The following OCA2 variants were observed in gnomAD, a reference collection of about 807,000 sequenced individuals.
OCA2 encodes the protein OCA2 melanosomal transmembrane protein.
In OCA2, 77 loss-of-function variants were observed where a neutral mutation model predicts 100.2. The ratio of observed to expected loss-of-function variants is 0.77; its 90% CI spans 0.64 to 0.93. The LOEUF is 0.93. Among genes scored for constraint, OCA2 ranks in the 40% least tolerant of loss-of-function variants. The pLI is 0.00. For missense variants in OCA2, 1,062 were observed against 1,089.1 expected (o/e 0.98, Z 0.35); for synonymous variants, 432 against 439.2 (o/e 0.98, Z 0.21).
chr15:27,954,646 C>T (rs547940110), intron 17 of OCA2, among the ~76,000 whole-genome samples: 2 of 152,178 alleles, frequency 1.3e-5, no homozygotes, highest in South Asian at 2.1e-4. Flanking sequence ...GGGAAGGGGT[C>T]CTCTGTGTTC....
At position 27,786,966 on chromosome 15, in the gene OCA2, A is replaced by G. The variant is rs548972415; in HGVS notation, c.2433-31494T>C. Among the ~76,000 whole-genome samples, 17 of 152,060 alleles carry G rather than the reference A, an allele frequency of 1.1e-4. No homozygotes were observed. In the South Asian group the frequency reaches 1.9e-3, roughly 17 times the overall value. On this transcript the variant is annotated intron_variant, in intron 23 of 23. Coordinates refer to ENST00000354638, the MANE Select transcript of OCA2 (RefSeq NM_000275.3). Reference sequence around the variant, plus strand: ...GCTGGGGATGTTCCCTTCTATTTCTACTGTTTCGAGACTTTTAATCATGAA... The same window carrying G: ...GCTGGGGATGTTCCCTTCTATTTCTGCTGTTTCGAGACTTTTAATCATGAA...
At chr15:27,862,839 AT>A (rs1205480943) in intron 21 of OCA2, among the ~76,000 whole-genome samples, 1 of 152,216 alleles carries the variant, frequency 6.6e-6, no homozygotes, top group Admixed American at 6.5e-5. Flanking sequence ...CCCCAAGGAC[AT>A]AGTCTATATC....
At chr15:27,743,633 A>G in the OCA2 span, among the ~76,000 whole-genome samples, 5 of 152,132 alleles carry the variant, frequency 3.3e-5, no homozygotes, top group African/African-American at 9.7e-5. Context: ...GAGGCCATGA[A>G]TTAGTGAATT....
chr15:27,795,818 C>T (rs1000139559), intron 23 of OCA2, among the ~76,000 whole-genome samples: 4 of 152,176 alleles, frequency 2.6e-5, no homozygotes, highest in Admixed American at 2.6e-4. Flanking sequence ...CCACTCTTAG[C>T]GGTATGTCTC....
rs569793254 is a variant in OCA2, at chr15:27,935,660, C to T, written c.1952-9406G>A. Among the ~76,000 whole-genome samples, 6 of 152,276 alleles carry T rather than the reference C, an allele frequency of 3.9e-5. No individual in the cohort carries two copies. In the South Asian group the frequency reaches 1.0e-3, roughly 26 times the overall value. On this transcript the variant is annotated intron_variant, in intron 18 of 23. Coordinates refer to ENST00000354638, the MANE Select transcript of OCA2 (RefSeq NM_000275.3). ...GCAAGAATTTCCTTCCATGCTGCCACGTTATATTCCTCTGATATGCTCAGG... is the reference window on the plus strand; with the variant it reads ...GCAAGAATTTCCTTCCATGCTGCCATGTTATATTCCTCTGATATGCTCAGG...
At chr15:27,729,775 G>A in the OCA2 span, among the ~76,000 whole-genome samples, 7 of 152,212 alleles carry the variant, frequency 4.6e-5, no homozygotes, top group East Asian at 1.9e-4. Context: ...CTACCACCAT[G>A]GACAAATGTA....
intron 23 of OCA2, among the ~76,000 whole-genome samples, chr15:27,843,573 C>A (rs1200599332): frequency 6.6e-6 from 1 of 152,154 alleles, no homozygotes; most frequent in Admixed American, 6.5e-5. Context: ...AAGTTCTGAA[C>A]CCTGTCCCTT....
intron 2 of OCA2, among the ~76,000 whole-genome samples, chr15:28,077,047 CTG>C (rs1382772887): frequency 6.7e-6 from 1 of 150,318 alleles, no homozygotes; most frequent in Non-Finnish European, 1.5e-5. Context: ...GTGTGTCACT[CTG>C]TGCTTAATTT....
chr15:27,764,767 G>T (rs2151005593), intron 23 of OCA2, among the ~76,000 whole-genome samples: 1 of 152,290 alleles, frequency 6.6e-6, no homozygotes, highest in Non-Finnish European at 1.5e-5. Context: ...CAGGAAAGGG[G>T]TCCTGATCCA....
intron 19 of OCA2, among the ~76,000 whole-genome samples, chr15:27,882,055 G>GC (rs1323714922): frequency 5.3e-5 from 8 of 151,704 alleles, no homozygotes; most frequent in African/African-American, 1.7e-4. Context: ...CATCCCAGAG[G>GC]TTTTCTTTGT....
chr15:28,044,304 G>T (rs1450738667), intron 2 of OCA2, among the ~76,000 whole-genome samples: 2 of 152,162 alleles, frequency 1.3e-5, no homozygotes, highest in Non-Finnish European at 2.9e-5. Flanking sequence ...ATGGCAGATT[G>T]TCCCTATCTC....
At chr15:27,911,559 G>A (rs1427432316) in intron 19 of OCA2, among the ~76,000 whole-genome samples, 1 of 152,198 alleles carries the variant, frequency 6.6e-6, no homozygotes, top group Non-Finnish European at 1.5e-5. Context: ...GGTGTGCAGA[G>A]ATCACATGGC....
intron 23 of OCA2, among the ~76,000 whole-genome samples, chr15:27,767,673 A>T (rs901907745): frequency 7.3e-6 from 1 of 136,262 alleles, no homozygotes; most frequent in Non-Finnish European, 1.7e-5. Flanking sequence ...TAAACACACC[A>T]ATCAGCACTC....
At chr15:27,874,593 C>T (rs1254168451) in intron 19 of OCA2, among the ~76,000 whole-genome samples, 5 of 152,044 alleles carry the variant, frequency 3.3e-5, no homozygotes, top group Non-Finnish European at 5.9e-5. Context: ...TAGCCAGACC[C>T]CAAAACCGCA....
intron 21 of OCA2, among the ~76,000 whole-genome samples, chr15:27,861,734 A>G (rs1488397371): frequency 6.6e-6 from 1 of 152,192 alleles, no homozygotes; most frequent in African/African-American, 2.4e-5. Context: ...ATTGCAGTAA[A>G]GCCAAGAAAA....
At chr15:27,742,842 G>A in the OCA2 span, among the ~76,000 whole-genome samples, 65,656 of 151,982 alleles carry the variant, frequency 0.43, 15,465 homozygotes, top group Non-Finnish European at 0.54. Flanking sequence ...CAGCACACAT[G>A]GCCGTGGCCT....
chr15:27,733,925 GCCATGGTGGGAGTA>G, the OCA2 span, among the ~76,000 whole-genome samples: 608 of 151,866 alleles, frequency 4.0e-3, 7 homozygotes, highest in African/African-American at 0.014. Flanking sequence ...ACTTTGAGAG[GCCATGGTGGGAGTA>G]CCATGAGGTC....
At chr15:28,078,817 C>T (rs1234105099) in intron 2 of OCA2, among the ~76,000 whole-genome samples, 1 of 152,198 alleles carries the variant, frequency 6.6e-6, no homozygotes, top group African/African-American at 2.4e-5. Context: ...GGCAATAGAT[C>T]CTGAATTCAC....
chr15:28,002,870 A>C (rs1053178654), intron 9 of OCA2, among the ~76,000 whole-genome samples: 4 of 152,090 alleles, frequency 2.6e-5, no homozygotes, highest in African/African-American at 9.7e-5. Context: ...GAAGGTATAC[A>C]CTCCAAATTC....
Sources: gnomAD v4.1 joint callset for allele counts (sites outside exome capture counted in the v4.1 genomes callset) on GRCh38, gnomAD v4.1.1 for gene constraint, MANE v1.5 for transcripts, NCBI Gene and HGNC (gene_info 2026-07-23, HGNC 2026-07-21) for gene names.